CLASP2: variants seen among roughly 807,000 people sequenced by gnomAD.
CLASP2 encodes cytoplasmic linker associated protein 2.
In CLASP2, 47 loss-of-function variants were observed where a neutral mutation model predicts 194.4. The observed-to-expected ratio is 0.24, with a 90% confidence interval of 0.19 to 0.31. The LOEUF (loss-of-function observed/expected upper bound fraction) is 0.31, where lower values mean the gene tolerates loss of function less well. CLASP2 is among the 10% of genes least tolerant of loss of function. The pLI, the probability that CLASP2 is intolerant of heterozygous loss-of-function variation, is 1.00. For missense variants in CLASP2, 1,445 were observed against 1,823.6 expected, an observed-to-expected ratio of 0.79 and a Z score of 3.78; for synonymous variants, 619 against 633.5, an observed-to-expected ratio of 0.98 and a Z score of 0.34.
intron 26 of CLASP2, 23 bp from the exon 27 acceptor site, chr3:33,566,757 G>A (rs762236841): frequency 4.8e-5 from 21 of 434,212 alleles, no homozygotes; most frequent in Non-Finnish European, 7.8e-5. Context: ...CCAACACAGG[G>A]GACAGCATGC....
intron 37 of CLASP2, chr3:33,504,916 G>GTA (rs141780052): frequency 0.24 from 36,256 of 152,126 alleles, 4,799 homozygotes; most frequent in Admixed American, 0.37. Flanking sequence ...CCATGGATCA[G>GTA]TACCAGTCCA....
At chr3:33,587,068 T>C (rs934207744) in intron 21 of CLASP2, among the ~76,000 whole-genome samples, 3 of 152,160 alleles carry the variant, frequency 2.0e-5, no homozygotes, top group African/African-American at 7.2e-5. Flanking sequence ...GGCCAAATAA[T>C]ACATAAATGG....
Position 33,576,265 on chromosome 3 carries a change from A to G in CLASP2, c.2358T>C (p.Tyr786=). ...ACAGTCGACTTGATTGGCTGATCCC[A>G]TAACCTGGACCTAATTCATCAAAAG... ...VRSFQPLGPG[Y]GISQSSRLSS... The change falls in exon 24 of 39, where the codon TAT becomes TAC. Residue 786 remains tyrosine, a synonymous_variant. Transcript: ENST00000682230. 2 of 1,613,222 alleles carry G rather than the reference A, an allele frequency of 1.2e-6. No homozygotes were observed. Among genetic ancestry groups the G allele is most frequent in the Non-Finnish European group, 1.7e-6 (2 of 1,179,206 alleles).
intron 29 of CLASP2, among the ~76,000 whole-genome samples, chr3:33,555,458 C>G (rs559806341): frequency 6.6e-6 from 1 of 151,672 alleles, no homozygotes; most frequent in East Asian, 1.9e-4. Flanking sequence ...CCTTGACATC[C>G]CAACTCAAGT....
chr3:33,584,720 T>C, intron 22 of CLASP2, 30 bp downstream of exon 22: 1 of 1,510,936 alleles, frequency 6.6e-7, no homozygotes. Flanking sequence ...GGGTTACATG[T>C]CTCACATAAA....
chr3:33,546,301 T>C (rs1014128156), intron 30 of CLASP2, among the ~76,000 whole-genome samples: 8 of 152,318 alleles, frequency 5.3e-5, no homozygotes, highest in African/African-American at 1.4e-4. Context: ...AACCTAAGTA[T>C]CTCTGGACCT....
chr3:33,571,421 G>C (rs2063752405), intron 25 of CLASP2, among the ~76,000 whole-genome samples: 1 of 151,454 alleles, frequency 6.6e-6, no homozygotes, highest in Admixed American at 6.6e-5. Flanking sequence ...TGGAGGTCAG[G>C]AGTTTGAGAC....
intron 1 of CLASP2, among the ~76,000 whole-genome samples, chr3:33,711,955 A>G (rs570338371): frequency 6.6e-5 from 10 of 152,196 alleles, no homozygotes; most frequent in Non-Finnish European, 1.5e-4. Flanking sequence ...CAGTATGGAG[A>G]TTCCCTAAAG....
At chr3:33,666,451 A>C (rs1268033959) in intron 6 of CLASP2, among the ~76,000 whole-genome samples, 1 of 152,208 alleles carries the variant, frequency 6.6e-6, no homozygotes, top group Admixed American at 6.5e-5. Flanking sequence ...TGGCCATTTC[A>C]TATAAATGGA....
At chr3:33,534,674 C>T (rs1184645808) in intron 34 of CLASP2, among the ~76,000 whole-genome samples, 1 of 152,186 alleles carries the variant, frequency 6.6e-6, no homozygotes. Context: ...TAATCATCAT[C>T]ATCCTCTTTT....
chr3:33,563,098 T>C (rs139357172), intron 27 of CLASP2, among the ~76,000 whole-genome samples: 3 of 152,286 alleles, frequency 2.0e-5, no homozygotes, highest in Non-Finnish European at 4.4e-5. Flanking sequence ...TCCTCTACTA[T>C]CTTTACTCTT....
At position 33,606,620 on chromosome 3, in the gene CLASP2, C is replaced by T. The variant is rs1391347801; in HGVS notation, c.1665G>A (p.Arg555=). The T allele has an allele frequency of 6.2e-7, 1 of 1,613,598 alleles. No individual in the cohort carries two copies. The highest frequency in any genetic ancestry group is 1.7e-5 in the Admixed American group (1 of 59,998). The change falls in exon 16 of 39, where the codon AGG becomes AGA. Residue 555 remains arginine (R), a synonymous_variant. Transcript: ENST00000682230. Reference sequence around the variant, plus strand: ...GACTTTCCTGTGAGCTGGATGAGGACCTGTCTGATTGTGGAAGAGATGCTA... The same window carrying T: ...GACTTTCCTGTGAGCTGGATGAGGATCTGTCTGATTGTGGAAGAGATGCTA... ...GSVASLPQSD[R]SSSSSQESLN...
intron 1 of CLASP2, among the ~76,000 whole-genome samples, chr3:33,713,012 CAAAAAAAA>C (rs57940200): frequency 1.7e-4 from 8 of 47,006 alleles, no homozygotes; most frequent in South Asian, 8.3e-4. Flanking sequence ...AACTCCACCT[CAAAAAAAA>C]AAAAAAAAAA....
intron 33 of CLASP2, among the ~76,000 whole-genome samples, chr3:33,536,869 A>C (rs2154136760): frequency 6.6e-6 from 1 of 152,340 alleles, no homozygotes; most frequent in African/African-American, 2.4e-5. Flanking sequence ...ACTCTTGTCC[A>C]TGGATTTTGG....
intron 18 of CLASP2, among the ~76,000 whole-genome samples, chr3:33,600,696 T>C (rs1225536214): frequency 6.6e-6 from 1 of 152,216 alleles, no homozygotes; most frequent in East Asian, 1.9e-4. Context: ...TACTATTTGG[T>C]AGTCTGCATA....
At chr3:33,570,626 A>G in intron 26 of CLASP2, 101 bp downstream of exon 26, 1 of 1,401,700 alleles carries the variant, frequency 7.1e-7, no homozygotes, top group Non-Finnish European at 9.8e-7. Flanking sequence ...TATTACTGCC[A>G]TTTTGGGACA....
rs374380613 is a variant in CLASP2 at position 33,552,184 on chromosome 3, T to C, written c.3010-789A>G. ...CCCAGGCTGGAGTGTAATGGTGCGATCTCGGCTCACTGAAACCTCCGTCTC... is the reference window on the plus strand; with the variant it reads ...CCCAGGCTGGAGTGTAATGGTGCGACCTCGGCTCACTGAAACCTCCGTCTC... On this transcript the variant is annotated intron_variant, in intron 29 of 38. Transcript: ENST00000682230. Among the ~76,000 whole-genome samples the C allele has an allele frequency of 1.8e-4, 27 of 150,964 alleles. No individual in the cohort carries two copies. The East Asian group carries it at 2.7e-3, about 15-fold the overall frequency.
chr3:33,501,877 GGA>G lies in CLASP2; in HGVS notation c.4318-111_4318-110del, dbSNP rs2046928300. 3 of 714,846 alleles carry G rather than the reference GGA, an allele frequency of 4.2e-6. 1 individual carries two copies. Among genetic ancestry groups the G allele is most frequent in the Non-Finnish European group, 7.3e-6 (3 of 408,316 alleles). The allele number at this position is 714,846 out of a possible 1,614,324, so 44.3% of individuals were successfully genotyped here. ...AAAGATGAAATCTCGAGCATACTAA[GGA>G]GAGAAAAGTGCAGATCAAAGTTAAC... On this transcript the variant is annotated intron_variant, in intron 37 of 38. Coordinates refer to ENST00000682230, the MANE Select transcript of CLASP2 (RefSeq NM_001365631.1).
intron 36 of CLASP2, among the ~76,000 whole-genome samples, chr3:33,514,859 G>A (rs1276244434): frequency 6.6e-6 from 1 of 151,470 alleles, no homozygotes; most frequent in Non-Finnish European, 1.5e-5. Flanking sequence ...GTGTATATAC[G>A]CACACACACA....
Sources: gnomAD v4.1 joint callset for allele counts (sites outside exome capture counted in the v4.1 genomes callset) on GRCh38, gnomAD v4.1.1 for gene constraint, MANE v1.5 for transcripts, NCBI Gene and HGNC (gene_info 2026-07-23, HGNC 2026-07-21) for gene names.